BIN1: variants seen among roughly 807,000 people sequenced by gnomAD.
BIN1 encodes myc box-dependent-interacting protein 1.
A neutral mutation model predicts 82.0 loss-of-function variants in BIN1; 53 were observed. The ratio of observed to expected loss-of-function variants is 0.65; its 90% CI spans 0.52 to 0.81. The LOEUF (loss-of-function observed/expected upper bound fraction) is 0.81, where lower values mean the gene tolerates loss of function less well. Among genes scored for constraint, BIN1 ranks in the 40% least tolerant of loss-of-function variants. The probability of loss-of-function intolerance (pLI) is 0.00; values close to 1 mark genes in which losing one functional copy is unlikely to be tolerated. For missense variants in BIN1, 642 were observed against 784.4 expected, an observed-to-expected ratio of 0.82 and a Z score of 2.17; for synonymous variants, 302 against 328.0, an observed-to-expected ratio of 0.92 and a Z score of 0.86.
chr2:127,100,445 C>T (rs1238625625), intron 1 of BIN1, among the ~76,000 whole-genome samples: 2 of 152,158 alleles, frequency 1.3e-5, no homozygotes, highest in Non-Finnish European at 2.9e-5. Context: ...AAGGCCTTGC[C>T]CCAGGCCAGA....
chr2:127,099,072 T>A (rs1679961732), intron 1 of BIN1, among the ~76,000 whole-genome samples: 1 of 152,144 alleles, frequency 6.6e-6, no homozygotes, highest in Admixed American at 6.5e-5. Context: ...AGCCCCAACC[T>A]AAATCCTGCA....
At position 127,053,454 on chromosome 2, in the gene BIN1, A is replaced by G. The variant is rs1360673670; in HGVS notation, c.1240-9T>C. The G allele has an allele frequency of 1.4e-5, 23 of 1,613,858 alleles. No individual in the cohort carries two copies. The highest frequency in any genetic ancestry group is 1.9e-5 in the Non-Finnish European group (23 of 1,179,856). On this transcript the variant is annotated splice_polypyrimidine_tract_variant and intron_variant, in intron 13 of 18. Coordinates refer to ENST00000316724, the MANE Select transcript of BIN1 (RefSeq NM_139343.3). ...AGGTCCCATGGAATTGACTGAGCGCAGCAGTGAGGGCGAGAAGGACAGTTA... is the reference window on the plus strand; with the variant it reads ...AGGTCCCATGGAATTGACTGAGCGCGGCAGTGAGGGCGAGAAGGACAGTTA...
intron 18 of BIN1, among the ~76,000 whole-genome samples, 200 bp from the exon 19 acceptor site, chr2:127,048,833 C>CAG (rs1356293977): frequency 6.6e-6 from 1 of 152,260 alleles, no homozygotes; most frequent in Non-Finnish European, 1.5e-5. Flanking sequence ...AGAGGCACCA[C>CAG]AGGAGCCAGC....
chr2:127,051,511 C>T lies in BIN1; in HGVS notation c.1372-268G>A, dbSNP rs372858922. Reference sequence around the variant, plus strand: ...TGCTGTGAAGAAGCCCAGTGCAAGCCCCAGAGTGCCACCCCCAACCCCGCC... The same window carrying T: ...TGCTGTGAAGAAGCCCAGTGCAAGCTCCAGAGTGCCACCCCCAACCCCGCC... On this transcript the variant is annotated intron_variant, in intron 15 of 18. Coordinates refer to ENST00000316724, the MANE Select transcript of BIN1 (RefSeq NM_139343.3). Among the ~76,000 whole-genome samples the T allele has an allele frequency of 2.0e-5, 3 of 152,142 alleles. No homozygotes were observed. The East Asian group carries it at 5.8e-4, about 29-fold the overall frequency.
Position 127,068,785 on chromosome 2 carries a change from GC to G in BIN1, c.519+138del. On this transcript the variant is annotated intron_variant, in intron 6 of 18. Transcript: ENST00000316724. This position sits in a 1 kb window ranked among gnomAD's most constrained non-coding sequence, Gnocchi z 4.9. ...ACCCACAAGGGCCTCTCACTCACCG[GC>G]CTGGGCCCTGTATCGTCCCCACCCC... 1.2e-6 allele frequency: 1 copy of G among 819,104 alleles called. No homozygotes were observed. The allele number at this position is 819,104 out of a possible 1,614,324, so 50.7% of individuals were successfully genotyped here.
Position 127,048,466 on chromosome 2 carries a change from C to T in BIN1, c.*60G>A. On this transcript the variant is annotated 3_prime_UTR_variant, in exon 19 of 19. Coordinates refer to ENST00000316724, the MANE Select transcript of BIN1 (RefSeq NM_139343.3). ...AACGAAAACAAAACAAAAAAAAGAA[C>T]CACACATTTTTCGGGAGGAGGTGTT... 6 of 1,486,038 alleles carry T rather than the reference C, an allele frequency of 4.0e-6. No individual in the cohort carries two copies. The South Asian group carries it at 4.5e-5, about 11-fold the overall frequency. 92.1% of individuals were successfully genotyped at this position (1,486,038 alleles called of 1,614,324 possible).
chr2:127,086,597 T>C (rs530679153), intron 1 of BIN1, among the ~76,000 whole-genome samples: 32 of 151,008 alleles, frequency 2.1e-4, no homozygotes, highest in African/African-American at 7.5e-4. Context: ...AACCTCTGCC[T>C]CCCCGGTTCA....
At chr2:127,052,877 C>G (rs1159781798) in intron 14 of BIN1, 2 of 243,724 alleles carry the variant, frequency 8.2e-6, no homozygotes, top group Admixed American at 9.9e-5. Context: ...CCTGAGCTAT[C>G]AGGTGACAGT....
At chr2:127,106,561 A>C (rs1239009102) in intron 1 of BIN1, among the ~76,000 whole-genome samples, 1 of 152,104 alleles carries the variant, frequency 6.6e-6, no homozygotes, top group Non-Finnish European at 1.5e-5. Flanking sequence ...CGCGCGCCTG[A>C]GAAGAGCCTG....
In BIN1 at chr2:127,082,098, C is replaced by A. The variant is rs553256308; in HGVS notation, c.85-5392G>T. Among the ~76,000 whole-genome samples the A allele has an allele frequency of 1.3e-5, 2 of 152,156 alleles. No individual in the cohort carries two copies. Among genetic ancestry groups the A allele is most frequent in the Non-Finnish European group, 2.9e-5 (2 of 68,018 alleles). On this transcript the variant is annotated intron_variant, in intron 1 of 18. Transcript: ENST00000316724. This position sits in a 1 kb window ranked among gnomAD's most constrained non-coding sequence, Gnocchi z 6.1. ...GTCCCGAGGGAGACACCCCAAGAGG[C>A]GAAAGGGAGGAGGGCCCCTAGAACA...
chr2:127,078,431 G>A (rs576058240), intron 1 of BIN1, among the ~76,000 whole-genome samples: 2 of 152,302 alleles, frequency 1.3e-5, no homozygotes, highest in African/African-American at 2.4e-5. Flanking sequence ...GAGGGGAGAG[G>A]TTGCAACAAA....
At chr2:127,056,958 C>G (rs532601954) in intron 12 of BIN1, among the ~76,000 whole-genome samples, 1 of 152,254 alleles carries the variant, frequency 6.6e-6, no homozygotes, top group African/African-American at 2.4e-5. Context: ...CCCAAGCCCC[C>G]CTGGGTGGCT....
At position 127,068,261 on chromosome 2, in the gene BIN1, G is replaced by GT; in HGVS notation, c.520-7dup. 6.2e-7 allele frequency: 1 copy of GT among 1,610,464 alleles called. No individual in the cohort carries two copies. Among genetic ancestry groups the GT allele is most frequent in the South Asian group, 1.1e-5 (1 of 90,940 alleles). On this transcript the variant is annotated splice_region_variant and splice_polypyrimidine_tract_variant and intron_variant, in intron 6 of 18. Transcript: ENST00000316724. This position sits in a 1 kb window ranked among gnomAD's most constrained non-coding sequence, Gnocchi z 4.9. ...TTCTCAAGCAGCGAGACAGGCTGGGGTGGGGAGGTCAAGGCAAAGGAAGGT... is the reference window on the plus strand; with the variant it reads ...TTCTCAAGCAGCGAGACAGGCTGGGGTTGGGGAGGTCAAGGCAAAGGAAGGT...
intron 13 of BIN1, 45 bp downstream of exon 13, chr2:127,053,860 A>G (rs1683285035): frequency 1.3e-6 from 2 of 1,531,854 alleles, no homozygotes; most frequent in Admixed American, 3.9e-5. Context: ...AGGGTTGGGC[A>G]CCTGGAAGCT....
At position 127,060,588 on chromosome 2, in the gene BIN1, G is replaced by A. The variant is rs747330687; in HGVS notation, c.858-1433C>T. 17 of 1,614,022 alleles carry A rather than the reference G, an allele frequency of 1.1e-5. No homozygotes were observed. In the Admixed American group the frequency reaches 1.2e-4, roughly 11 times the overall value. On this transcript the variant is annotated intron_variant, in intron 10 of 18. Transcript: ENST00000316724. ...TCTGCGCCCCTCCGCAGCACTCACT[G>A]CCGGTACCTGTTCTTCTTTCTGCGC...
chr2:127,067,990 C>G lies in BIN1; in HGVS notation c.612+173G>C, dbSNP rs1360410820. ...CAGAGCCCCTCAGCCGGTTCTTTGA[C>G]CCCTACATTTGACTTCAGGTCTCCT... On this transcript the variant is annotated intron_variant, in intron 7 of 18. Transcript: ENST00000316724. The surrounding 1 kb of genome is among the most constrained non-coding windows in gnomAD (Gnocchi z 4.7). Among the ~76,000 whole-genome samples, 1 of 152,126 alleles carries G rather than the reference C, an allele frequency of 6.6e-6. No individual in the cohort carries two copies. Among genetic ancestry groups the G allele is most frequent in the Non-Finnish European group, 1.5e-5 (1 of 68,022 alleles).
At chr2:127,053,386 C>G in intron 14 of BIN1, 36 bp downstream of exon 14, 1 of 1,613,414 alleles carries the variant, frequency 6.2e-7, no homozygotes, top group South Asian at 1.1e-5. Context: ...GAGTGGCTCC[C>G]CCAGGGGCTG....
chr2:127,070,060 G>A lies in BIN1; in HGVS notation c.346C>T (p.Gln116Ter). The change falls in exon 5 of 19, where the codon CAG becomes TAG. Residue 116 changes from glutamine (Q) to a stop codon, truncating the protein, a stop_gained. Transcript: ENST00000316724. LOFTEE classifies it high-confidence loss of function. ...NNDLLWMDYH[Q>*]KLVDQALLTM... ...AGCAGCGCCTGGTCCACCAGCTTCT[G>A]GTGGTAATCCATCCACAGCAGGTCG... is the stretch of plus-strand genomic sequence containing the variant. 6.2e-7 allele frequency: 1 copy of A among 1,614,112 alleles called. No homozygotes were observed. The highest frequency in any genetic ancestry group is 1.1e-5 in the South Asian group (1 of 91,078).
At chr2:127,106,443 C>G (rs1458152496) in intron 1 of BIN1, among the ~76,000 whole-genome samples, 1 of 152,226 alleles carries the variant, frequency 6.6e-6, no homozygotes, top group Non-Finnish European at 1.5e-5. Flanking sequence ...CCTCTCGCCC[C>G]GAGCGCCGGC....
Sources: allele counts gnomAD v4.1 joint callset (sites outside exome capture counted in the v4.1 genomes callset), GRCh38; gene constraint gnomAD v4.1.1; non-coding constraint Gnocchi (gnomAD v3.1); transcripts MANE v1.5; gene names NCBI Gene and HGNC (gene_info 2026-07-23, HGNC 2026-07-21).